Variants in HM13 observed in about 807,000 individuals in gnomAD.
HM13 encodes signal peptide peptidase.
A neutral mutation model predicts 50.0 loss-of-function variants in HM13; 18 were observed. The observed-to-expected ratio is 0.36, with a 90% CI of 0.25 to 0.53. The LOEUF (loss-of-function observed/expected upper bound fraction) is 0.53, where lower values mean the gene tolerates loss of function less well. Ranked by LOEUF, HM13 falls within the 20% of genes least tolerant of loss-of-function variation. The pLI, the probability that HM13 is intolerant of heterozygous loss-of-function variation, is 0.90. For missense variants in HM13, 393 were observed against 552.4 expected, an observed-to-expected ratio of 0.71 and a Z score of 2.89; for synonymous variants, 197 against 232.6, an observed-to-expected ratio of 0.85 and a Z score of 1.39.
chr20:31,523,268 C>CT (rs376290504), intron 1 of HM13, among the ~76,000 whole-genome samples: 11,066 of 137,246 alleles, frequency 0.081, 1,415 homozygotes, highest in African/African-American at 0.27. Context: ...CCAGGCTGGT[C>CT]TTTTTTTTTT....
Position 31,559,721 on chromosome 20 carries a change from G to C in HM13, c.845+74G>C. On this transcript the variant is annotated intron_variant, in intron 9 of 12. Coordinates refer to ENST00000398174, the MANE Select transcript of HM13 (RefSeq NM_178581.3). ...CAGTGGCCTTCAGGAGCCCAGAGAA[G>C]GTACCTCAGGAGACCAGACCCTCCA... 5.6e-6 allele frequency: 8 copies of C among 1,440,536 alleles called. No individual in the cohort carries two copies. The South Asian group carries it at 9.1e-5, about 16-fold the overall frequency. The allele number at this position is 1,440,536 out of a possible 1,614,324, so 89.2% of individuals were successfully genotyped here.
At position 31,547,503 on chromosome 20, in the gene HM13, C is replaced by T. The variant is rs1325734342; in HGVS notation, c.455-1526C>T. ...TGTTGTCGCCCGCTTCACCCTGGAT[C>T]ATGTTCAAGAAGTTTGATGAAAAGG... On this transcript the variant is annotated intron_variant, in intron 4 of 12. Coordinates refer to ENST00000398174, the MANE Select transcript of HM13 (RefSeq NM_178581.3). 7.1e-6 allele frequency: 5 copies of T among 703,580 alleles called. No individual in the cohort carries two copies. The African/African-American group carries it at 9.2e-5, about 13-fold the overall frequency. 43.6% of individuals were successfully genotyped at this position (703,580 alleles called of 1,614,324 possible). A position where few individuals can be genotyped will look rare whatever the true frequency, so the allele number is the denominator to read the frequency against.
intron 7 of HM13, among the ~76,000 whole-genome samples, chr20:31,551,370 G>A (rs529026482): frequency 7.2e-5 from 11 of 152,242 alleles, no homozygotes; most frequent in African/African-American, 2.6e-4. Flanking sequence ...CAAGATGGCT[G>A]CCACAGCTCC....
At chr20:31,539,859 G>A (rs1240677366) in intron 3 of HM13, 2 of 152,050 alleles carry the variant, frequency 1.3e-5, no homozygotes, top group African/African-American at 4.8e-5. Context: ...AGGACAGTGT[G>A]GTAGTCAGGA....
At position 31,550,202 on chromosome 20, in the gene HM13, A is replaced by G. The variant is rs1299388537; in HGVS notation, c.724+81A>G. ...CCCCACAGCCCGTTTCAGTCAGTGC[A>G]TCTCCCTATCTCTTCCCCATGTACC... On this transcript the variant is annotated intron_variant, in intron 7 of 12. Transcript: ENST00000398174. 3.5e-5 allele frequency: 34 copies of G among 960,908 alleles called. No homozygotes were observed. In the Admixed American group the frequency reaches 5.6e-4, roughly 16 times the overall value. 59.5% of individuals were successfully genotyped at this position (960,908 alleles called of 1,614,324 possible). A position where few individuals can be genotyped will look rare whatever the true frequency, so the allele number is the denominator to read the frequency against.
At chr20:31,532,460 A>G (rs1052939171) in intron 2 of HM13, among the ~76,000 whole-genome samples, 1 of 151,954 alleles carries the variant, frequency 6.6e-6, no homozygotes, top group South Asian at 2.1e-4. Context: ...GAATTTATCA[A>G]ATGCCTTGGT....
In HM13 at chr20:31,566,227, G is replaced by C; in HGVS notation, c.966G>C (p.Leu322=). The C allele has an allele frequency of 6.2e-7, 1 of 1,613,890 alleles. No homozygotes were observed. The highest frequency in any genetic ancestry group is 1.7e-5 in the Admixed American group (1 of 60,004). The change falls in exon 11 of 13, where the codon CTG becomes CTC. Residue 322 remains leucine, a synonymous_variant. Coordinates refer to ENST00000398174, the MANE Select transcript of HM13 (RefSeq NM_178581.3). ...FKHAQPALLY[L]VPACIGFPVL... ...TCTCATAGCCTGCCCTCCTATACCT[G>C]GTCCCCGCCTGCATCGGTTTTCCTG... is the stretch of plus-strand genomic sequence containing the variant.
chr20:31,547,091 T>C (rs1983766703), intron 4 of HM13, among the ~76,000 whole-genome samples: 1 of 152,178 alleles, frequency 6.6e-6, no homozygotes, highest in South Asian at 2.1e-4. Context: ...CCATATTCCC[T>C]GTCCATTTAG....
At chr20:31,533,701 C>G (rs1052908385) in intron 2 of HM13, among the ~76,000 whole-genome samples, 15 of 152,162 alleles carry the variant, frequency 9.9e-5, no homozygotes, top group Admixed American at 2.6e-4. Flanking sequence ...TTGCTTGTGT[C>G]TTTCACCCTG....
intron 1 of HM13, among the ~76,000 whole-genome samples, chr20:31,517,651 G>A (rs1037685240): frequency 6.6e-6 from 1 of 152,162 alleles, no homozygotes; most frequent in Non-Finnish European, 1.5e-5. Flanking sequence ...AGAAGGTGGG[G>A]CAGGGGACCA....
intron 7 of HM13, chr20:31,550,363 C>T (rs1050208018): frequency 3.5e-5 from 18 of 518,334 alleles, no homozygotes; most frequent in Non-Finnish European, 5.6e-5. Context: ...AAAATGGGAG[C>T]GAGCATGGAG....
chr20:31,566,716 C>T (rs1180703909), intron 11 of HM13, among the ~76,000 whole-genome samples: 2 of 152,026 alleles, frequency 1.3e-5, no homozygotes, highest in African/African-American at 4.8e-5. Context: ...GTAGAAAGTG[C>T]CCCGAGTAGA....
intron 4 of HM13, among the ~76,000 whole-genome samples, chr20:31,546,256 T>A (rs1205790304): frequency 6.6e-6 from 1 of 151,608 alleles, no homozygotes. Context: ...TTCACCGTGT[T>A]AGGATGGTCT....
chr20:31,527,673 C>A, intron 2 of HM13, 91 bp downstream of exon 2: 2 of 885,586 alleles, frequency 2.3e-6, no homozygotes, highest in South Asian at 1.6e-5. Flanking sequence ...CATGCATGTT[C>A]ATTTATAGAA....
rs1024210981 is a variant in HM13, at chr20:31,542,695, G to C, written c.366-2252G>C. On this transcript the variant is annotated intron_variant, in intron 3 of 12. Coordinates refer to ENST00000398174, the MANE Select transcript of HM13 (RefSeq NM_178581.3). The stretch of plus-strand genomic sequence containing the variant: ...CTCCTCCCCTGTGTAGTGCTAAGCA[G>C]CCTCTCTTTTCTTGGAATAACAAAG... 2.0e-5 allele frequency among the ~76,000 whole-genome samples: 3 copies of C among 152,190 alleles called. No individual in the cohort carries two copies. In the South Asian group the frequency reaches 6.2e-4, roughly 31 times the overall value.
intron 3 of HM13, chr20:31,541,167 G>C (rs979722914): frequency 3.9e-5 from 6 of 151,988 alleles, no homozygotes; most frequent in Non-Finnish European, 8.8e-5. Context: ...AATTTGACCT[G>C]GGAAAACCAT....
Position 31,569,341 on chromosome 20 carries a change from C to T in HM13, c.*122C>T, listed in dbSNP as rs1985132088. 2 of 611,456 alleles carry T rather than the reference C, an allele frequency of 3.3e-6. No homozygotes were observed. The highest frequency in any genetic ancestry group is 5.8e-6 in the Non-Finnish European group (2 of 343,396). The allele number at this position is 611,456 out of a possible 1,614,324, so 37.9% of individuals were successfully genotyped here. On this transcript the variant is annotated 3_prime_UTR_variant, in exon 13 of 13. Coordinates refer to ENST00000398174, the MANE Select transcript of HM13 (RefSeq NM_178581.3). ...AGCTCCAGGACAGGGCAGGGGGCAG[C>T]AGGATACCTCCAGCCAGGCCTCTGT...
At chr20:31,540,956 G>A (rs1983418318) in intron 3 of HM13, 1 of 151,324 alleles carries the variant, frequency 6.6e-6, no homozygotes, top group Non-Finnish European at 1.5e-5. Flanking sequence ...CTCCAGCCTG[G>A]GTGACAGAGG....
At chr20:31,531,668 A>T (rs1478328201) in intron 2 of HM13, among the ~76,000 whole-genome samples, 1 of 152,078 alleles carries the variant, frequency 6.6e-6, no homozygotes, top group Non-Finnish European at 1.5e-5. Context: ...ATCTTGGCTC[A>T]CTGCAATCTC....
Sources: gnomAD v4.1 joint callset for allele counts (sites outside exome capture counted in the v4.1 genomes callset) on GRCh38, gnomAD v4.1.1 for gene constraint, MANE v1.5 for transcripts, NCBI Gene and HGNC (gene_info 2026-07-23, HGNC 2026-07-21) for gene names.